The following DACH2 variants were observed in gnomAD, a reference collection of about 807,000 sequenced individuals.
DACH2 encodes dachshund homolog 2.
In DACH2, 17 loss-of-function variants were observed where a neutral mutation model predicts 35.8. The observed-to-expected ratio is 0.48, with a 90% CI of 0.33 to 0.71. DACH2 has a LOEUF of 0.71. Among genes scored for constraint, DACH2 ranks in the 30% least tolerant of loss-of-function variants. The probability of loss-of-function intolerance (pLI) is 0.02; values close to 1 mark genes in which losing one functional copy is unlikely to be tolerated. For synonymous variants in DACH2, 195 were observed against 177.3 expected (o/e 1.10, Z -0.79); for missense variants, 469 against 472.7 (o/e 0.99, Z 0.07).
chrX:86,605,631 A>T (rs903246155), intron 3 of DACH2, among the ~76,000 whole-genome samples: 24 of 110,624 alleles, frequency 2.2e-4, no homozygotes, highest in Admixed American at 5.8e-4. Context: ...CTTTTAAAAA[A>T]TTTTTTCAGC....
intron 7 of DACH2, among the ~76,000 whole-genome samples, chrX:86,747,360 T>C (rs1209962196): frequency 9.0e-6 from 1 of 111,712 alleles, no homozygotes; most frequent in Non-Finnish European, 1.9e-5. Flanking sequence ...CTCTTCAATT[T>C]CTTCCAGCAA....
intron 1 of DACH2, among the ~76,000 whole-genome samples, chrX:86,232,313 A>G (rs767578389): frequency 3.6e-5 from 4 of 112,538 alleles, no homozygotes; most frequent in Admixed American, 9.4e-5. Flanking sequence ...CATGACAAAG[A>G]CACCAAAAGC....
chrX:86,736,895 G>T (rs1222059179), intron 6 of DACH2, among the ~76,000 whole-genome samples: 1 of 111,169 alleles, frequency 9.0e-6, no homozygotes, highest in African/African-American at 3.3e-5. Context: ...ATATTTAAAG[G>T]AAATTTTCAG....
intron 3 of DACH2, among the ~76,000 whole-genome samples, chrX:86,583,841 G>T (rs1237534517): frequency 9.1e-6 from 1 of 109,892 alleles, no homozygotes; most frequent in Non-Finnish European, 1.9e-5. Flanking sequence ...TTTCTTAAGA[G>T]TTTATGTTTC....
At chrX:86,751,748 A>G (rs974487946) in intron 7 of DACH2, among the ~76,000 whole-genome samples, 1 of 111,695 alleles carries the variant, frequency 9.0e-6, no homozygotes, top group African/African-American at 3.2e-5. Context: ...GAAAGTATGC[A>G]CAGGATTGAA....
At chrX:86,160,334 A>T (rs2030708090) in intron 1 of DACH2, 1 of 1,011,618 alleles carries the variant, frequency 9.9e-7, no homozygotes, top group East Asian at 3.0e-5. Context: ...TGTCTGTCTC[A>T]TATCACAAAC....
chrX:86,256,540 T>C (rs2147957512), intron 1 of DACH2, among the ~76,000 whole-genome samples: 1 of 111,696 alleles, frequency 9.0e-6, no homozygotes, highest in Admixed American at 9.5e-5. Context: ...ATTTTCTCCC[T>C]GTACTTTAAC....
chrX:86,216,817 G>A (rs1283952335), intron 1 of DACH2, among the ~76,000 whole-genome samples: 1 of 111,600 alleles, frequency 9.0e-6, no homozygotes, highest in African/African-American at 3.3e-5. Context: ...ACAGGAGGCT[G>A]GGCATGGTGG....
chrX:86,333,411 A>C (rs1374401652), intron 1 of DACH2, among the ~76,000 whole-genome samples: 1 of 111,603 alleles, frequency 9.0e-6, no homozygotes, highest in Admixed American at 9.5e-5. Context: ...TTCTCCAGTA[A>C]GTCTATGGGA....
At chrX:86,396,246 T>C (rs1354767208) in intron 2 of DACH2, among the ~76,000 whole-genome samples, 1 of 104,425 alleles carries the variant, frequency 9.6e-6, no homozygotes, top group African/African-American at 3.5e-5. Flanking sequence ...TTTGTTTTTT[T>C]CTTGTAAATT....
intron 2 of DACH2, among the ~76,000 whole-genome samples, chrX:86,382,894 T>A (rs2036067522): frequency 1.8e-5 from 2 of 111,162 alleles, no homozygotes; most frequent in South Asian, 7.4e-4. Context: ...TAAGTTGCTT[T>A]GGGCCTGTTT....
chrX:86,212,406 T>C (rs1393868627), intron 1 of DACH2, among the ~76,000 whole-genome samples: 1 of 111,588 alleles, frequency 9.0e-6, no homozygotes, highest in East Asian at 2.8e-4. Context: ...TCATGATAAA[T>C]GTGACTACTT....
intron 2 of DACH2, among the ~76,000 whole-genome samples, chrX:86,451,958 T>G (rs1056464533): frequency 2.7e-5 from 3 of 111,861 alleles, no homozygotes; most frequent in Non-Finnish European, 5.6e-5. Context: ...CTTTTGCTTA[T>G]ATATATGTTA....
intron 3 of DACH2, among the ~76,000 whole-genome samples, chrX:86,625,383 G>A (rs891280822): frequency 9.0e-6 from 1 of 110,508 alleles, no homozygotes; most frequent in Non-Finnish European, 1.9e-5. Flanking sequence ...AGCAGGATGA[G>A]TTGGTATCAG....
intron 1 of DACH2, among the ~76,000 whole-genome samples, chrX:86,279,318 C>T (rs990183120): frequency 8.9e-6 from 1 of 111,868 alleles, no homozygotes; most frequent in African/African-American, 3.3e-5. Flanking sequence ...GGCAGGTGCC[C>T]CTCTGGGATG....
chrX:86,160,058 AAAAC>A (rs201539311), intron 1 of DACH2, among the ~76,000 whole-genome samples: 7,020 of 110,690 alleles, frequency 0.063, 560 homozygotes, highest in African/African-American at 0.22. Context: ...AAAAACAAAA[AAAAC>A]AAAGTGTTCC....
intron 3 of DACH2, among the ~76,000 whole-genome samples, chrX:86,557,371 A>G (rs939126417): frequency 9.1e-5 from 10 of 110,366 alleles, no homozygotes; most frequent in African/African-American, 3.3e-4. Context: ...GAAGTCAGGT[A>G]GTGTGATGCC....
intron 2 of DACH2, among the ~76,000 whole-genome samples, chrX:86,458,889 G>A (rs1015056178): frequency 1.1e-4 from 12 of 110,335 alleles, no homozygotes; most frequent in African/African-American, 4.0e-4. Flanking sequence ...GGCTAGGGGA[G>A]GGATAGCATT....
chrX:86,542,448 C>A (rs990728263), intron 3 of DACH2, among the ~76,000 whole-genome samples: 10 of 111,195 alleles, frequency 9.0e-5, no homozygotes, highest in Non-Finnish European at 1.3e-4. Flanking sequence ...AATGTCAGGG[C>A]AACCTTTGGG....
Sources: gnomAD v4.1 joint callset for allele counts (sites outside exome capture counted in the v4.1 genomes callset) on GRCh38, gnomAD v4.1.1 for gene constraint, MANE v1.5 for transcripts, NCBI Gene and HGNC (gene_info 2026-07-23, HGNC 2026-07-21) for gene names.